TJP3: variants seen among roughly 807,000 people sequenced by gnomAD.
The protein encoded by TJP3 is tight junction protein ZO-3.
Under a neutral mutation model 104.2 loss-of-function variants are expected in TJP3, and 85 were observed. The observed-to-expected ratio is 0.82, with a 90% CI of 0.68 to 0.98. The LOEUF (loss-of-function observed/expected upper bound fraction) is 0.98. Among genes scored for constraint, TJP3 ranks in the 50% least tolerant of loss-of-function variants. The probability of loss-of-function intolerance (pLI) is 0.00; values close to 1 mark genes in which losing one functional copy is unlikely to be tolerated. For synonymous variants in TJP3, 550 were observed against 550.6 expected (o/e 1.00, Z 0.02); for missense variants, 1,367 against 1,322.8 (o/e 1.03, Z -0.52).
intron 1 of TJP3, among the ~76,000 whole-genome samples, chr19:3,723,025 T>G (rs1202723108): frequency 6.6e-6 from 1 of 152,118 alleles, no homozygotes; most frequent in South Asian, 2.1e-4. Context: ...AGAGTTCACC[T>G]GGACAGGGGC....
chr19:3,750,098 T>TA (rs1568390305), intron 19 of TJP3, 40 bp from the exon 20 acceptor site: 1 of 1,613,584 alleles, frequency 6.2e-7, no homozygotes, highest in East Asian at 2.2e-5. Flanking sequence ...CACCATGCTC[T>TA]GGGGGGAGTT....
intron 1 of TJP3, among the ~76,000 whole-genome samples, chr19:3,718,191 CAAAA>C (rs398033736): frequency 0.019 from 817 of 42,212 alleles, 7 homozygotes; most frequent in Admixed American, 0.027. Context: ...GACTCCAACT[CAAAA>C]AAAAAAAAAA....
At position 3,746,202 on chromosome 19, in the gene TJP3, C is replaced by A; in HGVS notation, c.2010+121C>A. 9.2e-7 allele frequency: 1 copy of A among 1,088,278 alleles called. No homozygotes were observed. The highest frequency in any genetic ancestry group is 1.3e-6 in the Non-Finnish European group (1 of 744,648). The allele number at this position is 1,088,278 out of a possible 1,614,324, so 67.4% of individuals were successfully genotyped here. A position where few individuals can be genotyped will look rare whatever the true frequency, so the allele number is the denominator to read the frequency against. ...CCCACAAGTGCAGTCTTCCATAGAG[C>A]CCCTTTTGGAGGCTTTGTGAGGCAG... On this transcript the variant is annotated intron_variant, in intron 16 of 20. Transcript: ENST00000541714. This position sits in a 1 kb window ranked among gnomAD's most constrained non-coding sequence, Gnocchi z 4.1.
At position 3,730,809 on chromosome 19, in the gene TJP3, T is replaced by A; in HGVS notation, c.613+103T>A. 1 of 1,259,714 alleles carries A rather than the reference T, an allele frequency of 7.9e-7. No homozygotes were observed. The highest frequency in any genetic ancestry group is 1.1e-6 in the Non-Finnish European group (1 of 932,928). The allele number at this position is 1,259,714 out of a possible 1,614,324, so 78.0% of individuals were successfully genotyped here. ...GATTCTCCTGCCTCAGCCTCCCTGG[T>A]GGCTGGGACTCCAGGCGCCCGCCAC... is the stretch of plus-strand genomic sequence containing the variant. On this transcript the variant is annotated intron_variant, in intron 5 of 20. Transcript: ENST00000541714. The surrounding 1 kb of genome is among the most constrained non-coding windows in gnomAD (Gnocchi z 7.3).
At chr19:3,736,365 C>T (rs970644066) in intron 11 of TJP3, 44 bp downstream of exon 11, 5 of 1,484,936 alleles carry the variant, frequency 3.4e-6, no homozygotes, top group Non-Finnish European at 4.5e-6. Flanking sequence ...CATGGGCGTG[C>T]AGTGTGCTAG....
In TJP3 at chr19:3,743,965, C is replaced by T. The variant is rs763876950; in HGVS notation, c.1870C>T (p.Leu624=). Residue 624 remains leucine, a synonymous_variant, in exon 15 of 21, where the codon CTG becomes TTG. Transcript: ENST00000541714. ...CAGTTTCAAGCGCCCGGTAGTGATCCTGGGACCCGTGGCCGACATTGCTAT... is the reference window on the plus strand; with the variant it reads ...CAGTTTCAAGCGCCCGGTAGTGATCTTGGGACCCGTGGCCGACATTGCTAT... ...EASFKRPVVI[L]GPVADIAMQK... 2 of 1,614,198 alleles carry T rather than the reference C, an allele frequency of 1.2e-6. No individual in the cohort carries two copies. The highest frequency in any genetic ancestry group is 1.7e-6 in the Non-Finnish European group (2 of 1,180,046).
chr19:3,732,570 C>T (rs1171537517), intron 6 of TJP3, among the ~76,000 whole-genome samples: 14 of 151,166 alleles, frequency 9.3e-5, no homozygotes, highest in South Asian at 2.1e-4. Flanking sequence ...AGTGCAGTGG[C>T]GCAATCTCGG....
chr19:3,710,171 G>GT (rs1227443752), intron 1 of TJP3, among the ~76,000 whole-genome samples: 10 of 150,910 alleles, frequency 6.6e-5, no homozygotes, highest in Non-Finnish European at 1.5e-4. Context: ...AAAAAAAGGG[G>GT]TGGGGGGATA....
chr19:3,730,723 G>A lies in TJP3; in HGVS notation c.613+17G>A, dbSNP rs1253014028. ...ACAGCGAAGGTCAGAAGAGGCGGGA[G>A]GTCGGACACGATCAGTACTGGACAC... On this transcript the variant is annotated intron_variant, in intron 5 of 20. Coordinates refer to ENST00000541714, the MANE Select transcript of TJP3 (RefSeq NM_001267560.2). The surrounding 1 kb of genome is among the most constrained non-coding windows in gnomAD (Gnocchi z 7.3). 6.3e-7 allele frequency: 1 copy of A among 1,599,816 alleles called. No individual in the cohort carries two copies. Among genetic ancestry groups the A allele is most frequent in the South Asian group, 1.1e-5 (1 of 90,726 alleles).
chr19:3,732,514 CT>C (rs530864745), intron 6 of TJP3, among the ~76,000 whole-genome samples: 77 of 145,034 alleles, frequency 5.3e-4, no homozygotes, highest in Middle Eastern at 3.7e-3. Flanking sequence ...TTATCTGTTT[CT>C]TTTTTTTTTT....
chr19:3,718,071 G>A (rs993214222), intron 1 of TJP3, among the ~76,000 whole-genome samples: 5 of 151,440 alleles, frequency 3.3e-5, no homozygotes, highest in Admixed American at 6.6e-5. Flanking sequence ...AAAATCAGCC[G>A]GGCATGTGCC....
At position 3,730,073 on chromosome 19, in the gene TJP3, T is replaced by A; in HGVS notation, c.204T>A (p.Asn68Lys). 1.2e-6 allele frequency: 2 copies of A among 1,614,092 alleles called. No individual in the cohort carries two copies. The highest frequency in any genetic ancestry group is 1.6e-4 in the Middle Eastern group (1 of 6,062). The change falls in exon 4 of 21, where the codon AAT becomes AAA. Residue 68 changes from asparagine to lysine, a missense_variant. Physicochemically the swap from Asn to Lys is moderately conservative, Grantham distance 94. Coordinates refer to ENST00000541714, the MANE Select transcript of TJP3 (RefSeq NM_001267560.2). The surrounding 1 kb of genome is among the most constrained non-coding windows in gnomAD (Gnocchi z 7.3). ...IVMVNGVSME[N>K]ATSAFAIQIL... ...TGGTGAACGGGGTTTCCATGGAGAA[T>A]GCCACCTCCGCGTTTGCCATTCAGA...
chr19:3,735,779 C>T (rs1043654323), intron 9 of TJP3, 90 bp from the exon 10 acceptor site: 3 of 1,575,444 alleles, frequency 1.9e-6, no homozygotes, highest in Non-Finnish European at 1.7e-6. Context: ...AGGTGGGTGA[C>T]AGTCCTTCCA....
intron 5 of TJP3, among the ~76,000 whole-genome samples, chr19:3,731,540 C>A (rs548179243): frequency 6.6e-6 from 1 of 151,862 alleles, no homozygotes; most frequent in African/African-American, 2.4e-5. Context: ...GGCTGAGGCA[C>A]GAGAATTGCT....
At chr19:3,720,757 C>T (rs1423299439) in intron 1 of TJP3, among the ~76,000 whole-genome samples, 2 of 151,940 alleles carry the variant, frequency 1.3e-5, no homozygotes, top group African/African-American at 4.8e-5. Flanking sequence ...GGCCCCTGAG[C>T]GGGAGGCTGG....
intron 20 of TJP3, 58 bp from the exon 21 acceptor site, chr19:3,750,524 G>C (rs1452203425): frequency 7.0e-7 from 1 of 1,432,462 alleles, no homozygotes; most frequent in Non-Finnish European, 9.6e-7. Flanking sequence ...CTCAGTTTAT[G>C]GTGAGAAAGC....
intron 7 of TJP3, 186 bp from the exon 8 acceptor site, chr19:3,734,141 C>A: frequency 1.2e-6 from 1 of 831,954 alleles, no homozygotes; most frequent in African/African-American, 1.7e-5. Flanking sequence ...CGTGCCTTGG[C>A]CTCCTGAGTA....
rs188837213 is a variant in TJP3, at chr19:3,730,901, G to A, written c.613+195G>A. Among the ~76,000 whole-genome samples the A allele has an allele frequency of 3.9e-5, 6 of 152,228 alleles. No individual in the cohort carries two copies. Among genetic ancestry groups the A allele is most frequent in the East Asian group, 1.9e-4 (1 of 5,174 alleles). Reference sequence around the variant, plus strand: ...TCACCATGTTGGCAAGGATGGTTTCGAATTCTTGACCTCAGGTGATTCACC... The same window carrying A: ...TCACCATGTTGGCAAGGATGGTTTCAAATTCTTGACCTCAGGTGATTCACC... On this transcript the variant is annotated intron_variant, in intron 5 of 20. Coordinates refer to ENST00000541714, the MANE Select transcript of TJP3 (RefSeq NM_001267560.2). This position sits in a 1 kb window ranked among gnomAD's most constrained non-coding sequence, Gnocchi z 7.3.
intron 1 of TJP3, among the ~76,000 whole-genome samples, chr19:3,720,901 C>CTTTTTTT (rs370206267): frequency 5.7e-4 from 65 of 114,326 alleles, no homozygotes; most frequent in East Asian, 7.8e-4. Context: ...CCTTCCTTTT[C>CTTTTTTT]TTTTTTTTTT....
Sources: gnomAD v4.1 joint callset for allele counts (sites outside exome capture counted in the v4.1 genomes callset) on GRCh38, gnomAD v4.1.1 for gene constraint, Gnocchi (gnomAD v3.1) non-coding constraint, MANE v1.5 for transcripts, NCBI Gene and HGNC (gene_info 2026-07-23, HGNC 2026-07-21) for gene names.